The following GABRG3 variants were observed in gnomAD, a reference collection of about 807,000 sequenced individuals.
GABRG3 encodes the protein gamma-aminobutyric acid receptor subunit gamma-3.
A neutral mutation model predicts 48.8 loss-of-function variants in GABRG3; 25 were observed. The ratio of observed to expected loss-of-function variants is 0.51; its 90% CI spans 0.37 to 0.72. The LOEUF (loss-of-function observed/expected upper bound fraction) is 0.72. Ranked by LOEUF, GABRG3 falls within the 30% of genes least tolerant of loss-of-function variation. The pLI is 0.00. For missense variants in GABRG3, 394 were observed against 577.9 expected, an observed-to-expected ratio of 0.68 and a Z score of 3.26; for synonymous variants, 227 against 217.6, an observed-to-expected ratio of 1.04 and a Z score of -0.38.
In GABRG3 at chr15:27,384,390, C is replaced by T. The variant is rs35943611; in HGVS notation, c.574+55502C>T. Among the ~76,000 whole-genome samples, 812 of 152,210 alleles carry T rather than the reference C, an allele frequency of 5.3e-3. 3 individuals carry two copies. The highest frequency in any genetic ancestry group is 7.1e-3 in the Non-Finnish European group (483 of 68,022). On this transcript the variant is annotated intron_variant, in intron 5 of 9. Transcript: ENST00000615808. ...CATTAAGTGAAATGATTCCAGTCAT[C>T]CTATCACAAACCCACCTGCTTGCTG...
intron 3 of GABRG3, among the ~76,000 whole-genome samples, chr15:27,223,433 G>C (rs1889512209): frequency 6.6e-6 from 1 of 152,120 alleles, no homozygotes; most frequent in African/African-American, 2.4e-5. Context: ...GAACTCAGAT[G>C]AGACAAATGT....
chr15:27,224,052 G>A (rs905246273), intron 3 of GABRG3, among the ~76,000 whole-genome samples: 38 of 152,152 alleles, frequency 2.5e-4, no homozygotes, highest in African/African-American at 8.0e-4. Flanking sequence ...TACCCAGAGC[G>A]TGTGGACTGA....
intron 3 of GABRG3, among the ~76,000 whole-genome samples, chr15:27,078,224 C>G (rs965490826): frequency 6.6e-6 from 1 of 152,018 alleles, no homozygotes; most frequent in Non-Finnish European, 1.5e-5. Flanking sequence ...GTTGAAGGGC[C>G]GGATAGAAAA....
In GABRG3 at chr15:26,977,108, T is replaced by C. The variant is rs1894965695; in HGVS notation, c.160T>C (p.Leu54=). The C allele has an allele frequency of 6.2e-7, 1 of 1,613,804 alleles. No individual in the cohort carries two copies. Among genetic ancestry groups the C allele is most frequent in the African/African-American group, 1.3e-5 (1 of 74,914 alleles). ...CGACGTGACTCTTATTCTCAACAAG[T>C]TGCTAAGAGAATATGATAAAAAGCT... The part of the protein sequence containing the change: ...DTDVTLILNK[L]LREYDKKLRP... The change falls in exon 2 of 10, where the codon TTG becomes CTG. Residue 54 remains leucine (L), a synonymous_variant. Transcript: ENST00000615808.
Position 27,520,001 on chromosome 15 carries a change from G to T in GABRG3, c.742G>T (p.Glu248Ter). 6.4e-7 allele frequency: 1 copy of T among 1,571,800 alleles called. No individual in the cohort carries two copies. The highest frequency in any genetic ancestry group is 8.6e-7 in the Non-Finnish European group (1 of 1,156,812). ...TTATGTTGTCATGACTATATATTTT[G>T]AATTGAGTAGAAGAATGGGATACTT... Reference protein sequence around the residue: ...GDYVVMTIYFELSRRMGYFTI... With the variant: ...GDYVVMTIYF Residue 248 changes from glutamate (E) to a stop codon, truncating the protein, a stop_gained, in exon 7 of 10, where the codon GAA becomes TAA. Transcript: ENST00000615808. LOFTEE classifies it high-confidence loss of function.
At chr15:27,316,690 G>A (rs972812831) in intron 3 of GABRG3, among the ~76,000 whole-genome samples, 3 of 152,160 alleles carry the variant, frequency 2.0e-5, no homozygotes, top group Non-Finnish European at 4.4e-5. Context: ...AATTTCGTTC[G>A]TTTTAGGTGG....
chr15:27,122,633 G>T (rs902641495), intron 3 of GABRG3, among the ~76,000 whole-genome samples: 3 of 152,208 alleles, frequency 2.0e-5, no homozygotes, highest in African/African-American at 7.2e-5. Context: ...CAGAATGGAG[G>T]TGCAGACAGC....
chr15:26,984,830 A>G (rs180783117), intron 2 of GABRG3, among the ~76,000 whole-genome samples: 3 of 152,308 alleles, frequency 2.0e-5, no homozygotes, highest in East Asian at 3.9e-4. Flanking sequence ...ATCTGTGCCA[A>G]ATATGGTCAT....
intron 2 of GABRG3, among the ~76,000 whole-genome samples, chr15:26,990,347 T>C (rs1394446385): frequency 1.3e-5 from 2 of 152,240 alleles, no homozygotes; most frequent in Non-Finnish European, 2.9e-5. Context: ...TCTCATAGTT[T>C]TGATTTGCAT....
intron 3 of GABRG3, among the ~76,000 whole-genome samples, chr15:27,253,627 G>A (rs1326316887): frequency 1.3e-5 from 2 of 152,332 alleles, no homozygotes; most frequent in East Asian, 3.9e-4. Context: ...TGGACACAGG[G>A]GCAGAGCGGC....
intron 5 of GABRG3, among the ~76,000 whole-genome samples, chr15:27,451,774 C>T (rs1189684395): frequency 6.6e-6 from 1 of 152,066 alleles, no homozygotes; most frequent in Non-Finnish European, 1.5e-5. Flanking sequence ...AAAATATCTG[C>T]AAACTACACA....
intron 3 of GABRG3, among the ~76,000 whole-genome samples, chr15:27,039,317 G>T (rs1896233751): frequency 6.6e-6 from 1 of 152,220 alleles, no homozygotes; most frequent in Non-Finnish European, 1.5e-5. Context: ...GTCACATTGA[G>T]GACAGGATGT....
At chr15:27,142,329 C>T (rs539597701) in intron 3 of GABRG3, among the ~76,000 whole-genome samples, 4 of 152,304 alleles carry the variant, frequency 2.6e-5, no homozygotes, top group South Asian at 2.1e-4. Flanking sequence ...TACAGTTCCA[C>T]GTGGCTGGGT....
In GABRG3 at chr15:27,445,017, G is replaced by A. The variant is rs531418541; in HGVS notation, c.575-35633G>A. Among the ~76,000 whole-genome samples the A allele has an allele frequency of 1.1e-4, 17 of 152,056 alleles. No homozygotes were observed. In the South Asian group the frequency reaches 2.1e-3, roughly 19 times the overall value. On this transcript the variant is annotated intron_variant, in intron 5 of 9. Transcript: ENST00000615808. ...CTCCCAAGTAGCTGTGATTACAGGCGCCTGCCACCATGCCTGGCTAATTTT... is the reference window on the plus strand; with the variant it reads ...CTCCCAAGTAGCTGTGATTACAGGCACCTGCCACCATGCCTGGCTAATTTT...
At chr15:27,166,608 C>A (rs1316294238) in intron 3 of GABRG3, among the ~76,000 whole-genome samples, 1 of 152,070 alleles carries the variant, frequency 6.6e-6, no homozygotes, top group East Asian at 1.9e-4. Context: ...CGCAGCCCAC[C>A]CCCTACACCA....
chr15:27,001,334 A>G (rs1595464235), intron 2 of GABRG3, among the ~76,000 whole-genome samples: 1 of 151,894 alleles, frequency 6.6e-6, no homozygotes, highest in South Asian at 2.1e-4. Context: ...CTTTCCTGTC[A>G]CCCCTCTGAG....
rs1297997708 is a variant in GABRG3 at position 26,971,728 on chromosome 15, G to A, written c.53+140G>A. ...CGGGCCGGGAGGGGACTGGGAAGTC[G>A]GTCTGCACCTCACCTGTCCCAGCTC... is the stretch of plus-strand genomic sequence containing the variant. On this transcript the variant is annotated intron_variant, in intron 1 of 9. Coordinates refer to ENST00000615808, the MANE Select transcript of GABRG3 (RefSeq NM_033223.5). 1.2e-5 allele frequency: 11 copies of A among 901,592 alleles called. No individual in the cohort carries two copies. The East Asian group carries it at 3.0e-4, about 24-fold the overall frequency. The allele number at this position is 901,592 out of a possible 1,614,324, so 55.8% of individuals were successfully genotyped here.
chr15:26,977,218 G>C (rs1046753592), intron 2 of GABRG3, 68 bp downstream of exon 2: 4 of 1,490,582 alleles, frequency 2.7e-6, no homozygotes, highest in Middle Eastern at 4.9e-4. Flanking sequence ...TTACTTTTGA[G>C]TAATTGTGAA....
At chr15:27,387,596 G>A (rs1221923430) in intron 5 of GABRG3, among the ~76,000 whole-genome samples, 1 of 151,782 alleles carries the variant, frequency 6.6e-6, no homozygotes, top group African/African-American at 2.4e-5. Flanking sequence ...GTGTGAATAT[G>A]TTTTCTTCCA....
Sources: gnomAD v4.1 joint callset for allele counts (sites outside exome capture counted in the v4.1 genomes callset) on GRCh38, gnomAD v4.1.1 for gene constraint, MANE v1.5 for transcripts, NCBI Gene and HGNC (gene_info 2026-07-23, HGNC 2026-07-21) for gene names.